The following FALEC variants were observed in gnomAD, a reference collection of about 807,000 sequenced individuals.
The protein encoded by FALEC is focally amplified lncRNA regulator of ECM1.
chr1:150,518,938 C>T (rs1037392770), downstream of FALEC, among the ~76,000 whole-genome samples: 1 of 151,970 alleles, frequency 6.6e-6, no homozygotes, highest in Non-Finnish European at 1.5e-5. Flanking sequence ...CCTCTGTAGT[C>T]CCAGCTATTT....
At chr1:150,520,783 C>CTTTTCT (rs1670630622), downstream of FALEC, among the ~76,000 whole-genome samples, 1 of 42,816 alleles carries the variant, frequency 2.3e-5, no homozygotes, top group Non-Finnish European at 4.3e-5. Flanking sequence ...CTTTTCTTTT[C>CTTTTCT]TTTTTTTTTT....
the FALEC span, among the ~76,000 whole-genome samples, chr1:150,532,150 A>G: frequency 6.6e-6 from 1 of 152,070 alleles, no homozygotes; most frequent in African/African-American, 2.4e-5. Context: ...CTCCTGATCC[A>G]CCTGCCTCGG....
the FALEC span, among the ~76,000 whole-genome samples, chr1:150,533,227 CTCCTG>C: frequency 5.1e-4 from 77 of 152,300 alleles, no homozygotes; most frequent in African/African-American, 1.8e-3. Context: ...CTTTGCCAAG[CTCCTG>C]TCAGGATTGC....
chr1:150,522,199 A>G (rs587596158), downstream of FALEC, among the ~76,000 whole-genome samples: 1 of 151,350 alleles, frequency 6.6e-6, no homozygotes, highest in Non-Finnish European at 1.5e-5. Context: ...GTGAGCCGAG[A>G]TTACGCCACT....
At chr1:150,516,348 G>T (rs1670569724) in intron 1 of FALEC, among the ~76,000 whole-genome samples, 1 of 152,270 alleles carries the variant, frequency 6.6e-6, no homozygotes, top group African/African-American at 2.4e-5. Flanking sequence ...CTGCAGAGAG[G>T]TGGGAGTCAG....
chr1:150,525,661 G>T, the FALEC span, among the ~76,000 whole-genome samples: 4 of 152,178 alleles, frequency 2.6e-5, no homozygotes, highest in African/African-American at 9.7e-5. Flanking sequence ...AGACACGAAT[G>T]CAGTGGTACA....
downstream of FALEC, among the ~76,000 whole-genome samples, chr1:150,522,878 T>TATATAC (rs1670664911): frequency 3.2e-5 from 3 of 92,954 alleles, no homozygotes; most frequent in Non-Finnish European, 4.4e-5. Context: ...TATATATACA[T>TATATAC]ATATATATAC....
chr1:150,533,934 G>A, the FALEC span, among the ~76,000 whole-genome samples: 1 of 152,236 alleles, frequency 6.6e-6, no homozygotes, highest in African/African-American at 2.4e-5. Flanking sequence ...AAGGAGACGT[G>A]TCGTGGATCC....
chr1:150,525,212 A>G, the FALEC span, among the ~76,000 whole-genome samples: 1 of 152,074 alleles, frequency 6.6e-6, no homozygotes, highest in Non-Finnish European at 1.5e-5. Flanking sequence ...GCTTGAACCC[A>G]GTAGGCGGAG....
downstream of FALEC, among the ~76,000 whole-genome samples, chr1:150,518,997 A>G (rs1048496500): frequency 2.0e-5 from 3 of 152,162 alleles, no homozygotes; most frequent in African/African-American, 4.8e-5. Context: ...CAGAGGTTGC[A>G]GTGAGCTGAG....
At chr1:150,526,904 G>C in the FALEC span, among the ~76,000 whole-genome samples, 1 of 151,920 alleles carries the variant, frequency 6.6e-6, no homozygotes, top group Non-Finnish European at 1.5e-5. Context: ...AAAGTGCTGA[G>C]ATTACAGGTG....
chr1:150,519,137 C>CT (rs1412400339), downstream of FALEC, among the ~76,000 whole-genome samples: 1 of 152,126 alleles, frequency 6.6e-6, no homozygotes, highest in Non-Finnish European at 1.5e-5. Context: ...AATGAACCTC[C>CT]TGCAACAAAT....
downstream of FALEC, among the ~76,000 whole-genome samples, chr1:150,522,912 T>TATATATAC (rs1670669221): frequency 4.7e-5 from 5 of 106,214 alleles, no homozygotes; most frequent in African/African-American, 9.0e-5. Flanking sequence ...TACATATATA[T>TATATATAC]ACATATATAT....
At chr1:150,527,723 A>T in the FALEC span, among the ~76,000 whole-genome samples, 2 of 151,954 alleles carry the variant, frequency 1.3e-5, no homozygotes, top group African/African-American at 4.8e-5. Flanking sequence ...GGTGGTGGGC[A>T]CCTGTGATTC....
chr1:150,522,466 TACAAAAAG>T, downstream of FALEC, among the ~76,000 whole-genome samples: 3 of 150,180 alleles, frequency 2.0e-5, no homozygotes, highest in South Asian at 6.3e-4. Flanking sequence ...CTACTAAAAA[TACAAAAAG>T]TAGCTGGGCA....
At chr1:150,521,802 G>A (rs1210416121), downstream of FALEC, among the ~76,000 whole-genome samples, 5 of 152,124 alleles carry the variant, frequency 3.3e-5, no homozygotes, top group African/African-American at 1.2e-4. Context: ...GCACAATACT[G>A]CACAGTTGGT....
At chr1:150,524,995 GAAAAAAAAA>G in the FALEC span, among the ~76,000 whole-genome samples, 8 of 98,314 alleles carry the variant, frequency 8.1e-5, no homozygotes, top group Admixed American at 2.5e-4. Context: ...ACCCTGTCTT[GAAAAAAAAA>G]AAAAAAAAAA....
intron 1 of FALEC, among the ~76,000 whole-genome samples, chr1:150,517,583 A>G (rs1670586346): frequency 6.6e-6 from 1 of 152,152 alleles, no homozygotes; most frequent in African/African-American, 2.4e-5. Context: ...GTGCTCTTAT[A>G]AAAGGGACCC....
downstream of FALEC, among the ~76,000 whole-genome samples, chr1:150,522,899 A>ACGTG (rs1323676854): frequency 1.5e-5 from 1 of 66,960 alleles, no homozygotes; most frequent in African/African-American, 5.9e-5. Context: ...GTATATATAT[A>ACGTG]TATACATATA....
Sources: allele counts gnomAD v4.1 joint callset (sites outside exome capture counted in the v4.1 genomes callset), GRCh38; gene constraint gnomAD v4.1.1; transcripts MANE v1.5; gene names NCBI Gene and HGNC (gene_info 2026-07-23, HGNC 2026-07-21).